DIP2C: variants seen among roughly 807,000 people sequenced by gnomAD.
DIP2C encodes the protein disco-interacting protein 2 homolog C.
A neutral mutation model predicts 192.4 loss-of-function variants in DIP2C; 33 were observed. The ratio of observed to expected loss-of-function variants is 0.17; its 90% CI spans 0.13 to 0.23. DIP2C has a LOEUF of 0.23. Among genes scored for constraint, DIP2C ranks in the 10% least tolerant of loss-of-function variants. The pLI is 1.00. For synonymous variants in DIP2C, 979 were observed against 864.1 expected, an observed-to-expected ratio of 1.13 and a Z score of -2.33; for missense variants, 1,537 against 2,110.1, an observed-to-expected ratio of 0.73 and a Z score of 5.32.
At chr10:522,496 C>T (rs768936137) in intron 1 of DIP2C, among the ~76,000 whole-genome samples, 2 of 152,252 alleles carry the variant, frequency 1.3e-5, no homozygotes, top group African/African-American at 4.8e-5. Context: ...CCTTCCACAG[C>T]AGCTGCCCCA....
chr10:614,079 C>T (rs1266865314), intron 1 of DIP2C, among the ~76,000 whole-genome samples: 2 of 152,212 alleles, frequency 1.3e-5, no homozygotes, highest in African/African-American at 2.4e-5. Flanking sequence ...GAACCTTCCA[C>T]CTCAAAACAG....
intron 3 of DIP2C, among the ~76,000 whole-genome samples, chr10:461,644 G>C (rs1564741338): frequency 6.6e-6 from 1 of 152,106 alleles, no homozygotes; most frequent in Non-Finnish European, 1.5e-5. Context: ...AATTAACAAG[G>C]ATATTCAGGA....
intron 31 of DIP2C, among the ~76,000 whole-genome samples, chr10:310,399 C>A (rs572122207): frequency 3.3e-5 from 5 of 152,214 alleles, no homozygotes; most frequent in Admixed American, 3.3e-4. Context: ...ACTGCCAAGA[C>A]GGCGCTGCAA....
At chr10:529,213 T>C (rs1241217116) in intron 1 of DIP2C, among the ~76,000 whole-genome samples, 1 of 152,200 alleles carries the variant, frequency 6.6e-6, no homozygotes, top group Non-Finnish European at 1.5e-5. Flanking sequence ...TCTTCCTCTA[T>C]ACCACACACC....
At chr10:593,595 T>C (rs1170402136) in intron 1 of DIP2C, among the ~76,000 whole-genome samples, 2 of 149,322 alleles carry the variant, frequency 1.3e-5, no homozygotes, top group African/African-American at 5.0e-5. Context: ...TCCTCGGTAC[T>C]TCCCCCCAAA....
chr10:656,920 C>T lies in DIP2C; in HGVS notation c.85+32574G>A, dbSNP rs1437231327. Among the ~76,000 whole-genome samples, 5 of 152,210 alleles carry T rather than the reference C, an allele frequency of 3.3e-5. No homozygotes were observed. In the East Asian group the frequency reaches 7.7e-4, roughly 23 times the overall value. On this transcript the variant is annotated intron_variant, in intron 1 of 36. Coordinates refer to ENST00000280886, the MANE Select transcript of DIP2C (RefSeq NM_014974.3). ...GAACTTTGCTTTAATAAAGCAAATG[C>T]TTAACATCCACTGTGAGGAACTCAA... is the stretch of plus-strand genomic sequence containing the variant.
At position 507,173 on chromosome 10, in the gene DIP2C, C is replaced by T. The variant is rs550580124; in HGVS notation, c.86-20643G>A. On this transcript the variant is annotated intron_variant, in intron 1 of 36. Coordinates refer to ENST00000280886, the MANE Select transcript of DIP2C (RefSeq NM_014974.3). ...AGCCATGCGACGTTACAGACCTGGTCACCAGCTGTGCCCAATCAGAAGCTT... is the reference window on the plus strand; with the variant it reads ...AGCCATGCGACGTTACAGACCTGGTTACCAGCTGTGCCCAATCAGAAGCTT... 1.3e-4 allele frequency among the ~76,000 whole-genome samples: 20 copies of T among 151,496 alleles called. 1 individual carries two copies. The highest frequency in any genetic ancestry group is 4.6e-4 in the African/African-American group (19 of 41,242).
chr10:467,539 TAAATA>T (rs1465050045), intron 3 of DIP2C, among the ~76,000 whole-genome samples: 4 of 7,356 alleles, frequency 5.4e-4, no homozygotes, highest in Admixed American at 6.3e-3. Context: ...AAAAAAAAAA[TAAATA>T]AAATAAAAAT....
At chr10:326,674 G>A (rs1017262987) in intron 31 of DIP2C, among the ~76,000 whole-genome samples, 20 of 152,234 alleles carry the variant, frequency 1.3e-4, no homozygotes, top group Non-Finnish European at 2.8e-4. Context: ...GTGGGACTAA[G>A]TACTTCGAGG....
At chr10:510,434 A>T (rs1331680590) in intron 1 of DIP2C, among the ~76,000 whole-genome samples, 1 of 152,206 alleles carries the variant, frequency 6.6e-6, no homozygotes, top group Non-Finnish European at 1.5e-5. Flanking sequence ...GTACATGCTC[A>T]GCTGCAGGTG....
At chr10:372,213 C>A (rs1457089597) in intron 17 of DIP2C, among the ~76,000 whole-genome samples, 3 of 151,954 alleles carry the variant, frequency 2.0e-5, no homozygotes, top group Non-Finnish European at 4.4e-5. Context: ...ATAGCTGGGA[C>A]TACAGGCGCC....
At chr10:589,175 G>A (rs1441827630) in intron 1 of DIP2C, among the ~76,000 whole-genome samples, 4 of 152,160 alleles carry the variant, frequency 2.6e-5, no homozygotes, top group Admixed American at 2.0e-4. Context: ...TTTTAAGTCA[G>A]GTGGTTTGTT....
At chr10:303,680 C>T (rs1182574238) in intron 32 of DIP2C, among the ~76,000 whole-genome samples, 3 of 152,016 alleles carry the variant, frequency 2.0e-5, no homozygotes, top group Admixed American at 6.5e-5. Flanking sequence ...TGCGCCACCA[C>T]GCCCGGCTGA....
intron 1 of DIP2C, among the ~76,000 whole-genome samples, chr10:585,653 C>T (rs993708008): frequency 1.3e-5 from 2 of 152,178 alleles, no homozygotes; most frequent in African/African-American, 4.8e-5. Context: ...CGGCGTCCTG[C>T]AGGGGCCTCA....
chr10:670,137 T>C (rs985342492), intron 1 of DIP2C, among the ~76,000 whole-genome samples: 1 of 152,024 alleles, frequency 6.6e-6, no homozygotes, highest in Non-Finnish European at 1.5e-5. Flanking sequence ...TGTACACGCA[T>C]ACACGTGTAC....
chr10:606,587 C>T (rs969485825), intron 1 of DIP2C, among the ~76,000 whole-genome samples: 1 of 145,974 alleles, frequency 6.9e-6, no homozygotes, highest in Non-Finnish European at 1.5e-5. Context: ...GCCCCGCTGC[C>T]GTAATTACCT....
chr10:419,717 G>A (rs2133146675), intron 5 of DIP2C, among the ~76,000 whole-genome samples: 1 of 152,270 alleles, frequency 6.6e-6, no homozygotes, highest in African/African-American at 2.4e-5. Flanking sequence ...CACGTATACA[G>A]TTCATAGGAT....
At chr10:378,536 C>T (rs1564635565) in intron 17 of DIP2C, among the ~76,000 whole-genome samples, 1 of 152,026 alleles carries the variant, frequency 6.6e-6, no homozygotes, top group Non-Finnish European at 1.5e-5. Flanking sequence ...CACAAAGACA[C>T]ATGTGAACAC....
intron 22 of DIP2C, among the ~76,000 whole-genome samples, chr10:359,602 C>CA (rs1050452805): frequency 3.9e-5 from 6 of 152,126 alleles, no homozygotes; most frequent in South Asian, 2.1e-4. Flanking sequence ...TCACATTTAG[C>CA]AAAAGAATTT....
Sources: gnomAD v4.1 joint callset for allele counts (sites outside exome capture counted in the v4.1 genomes callset) on GRCh38, gnomAD v4.1.1 for gene constraint, MANE v1.5 for transcripts, NCBI Gene and HGNC (gene_info 2026-07-23, HGNC 2026-07-21) for gene names.